The following MAPRE3 variants were observed in gnomAD, a reference collection of about 807,000 sequenced individuals.
The protein encoded by MAPRE3 is microtubule-associated protein RP/EB family member 3.
MAPRE3 carries 2 observed loss-of-function variants against 30.5 expected under a neutral mutation model. The observed-to-expected ratio is 0.07, with a 90% CI of 0.03 to 0.21. MAPRE3 has a LOEUF of 0.21. Ranked by LOEUF, MAPRE3 falls within the 10% of genes least tolerant of loss-of-function variation. MAPRE3 has a pLI of 1.00. For synonymous variants in MAPRE3, 110 were observed against 127.7 expected (o/e 0.86, Z 0.93); for missense variants, 204 against 351.8 (o/e 0.58, Z 3.36).
intron 1 of MAPRE3, among the ~76,000 whole-genome samples, chr2:26,971,433 G>T (rs1018256548): frequency 2.0e-5 from 3 of 152,184 alleles, no homozygotes; most frequent in African/African-American, 7.2e-5. Flanking sequence ...TGATCATCTA[G>T]CGTTTAATGA....
chr2:27,003,227 C>T (rs1666643504), intron 1 of MAPRE3: 2 of 152,536 alleles, frequency 1.3e-5, no homozygotes, highest in South Asian at 4.1e-4. Flanking sequence ...TGGCCAGATT[C>T]TCTATATGCA....
intron 1 of MAPRE3, among the ~76,000 whole-genome samples, chr2:26,999,015 AAGG>A (rs1245190775): frequency 6.6e-6 from 1 of 152,158 alleles, no homozygotes; most frequent in East Asian, 1.9e-4. Context: ...TTGGCCTTGA[AAGG>A]AGGAGAGCAT....
intron 1 of MAPRE3, among the ~76,000 whole-genome samples, chr2:27,002,607 G>T (rs1226673308): frequency 6.6e-6 from 1 of 152,122 alleles, no homozygotes; most frequent in African/African-American, 2.4e-5. Context: ...ACTCTGAACT[G>T]CCCATCTTGG....
At chr2:27,018,875 G>A (rs1474195164) in intron 1 of MAPRE3, among the ~76,000 whole-genome samples, 2 of 148,724 alleles carry the variant, frequency 1.3e-5, no homozygotes, top group African/African-American at 5.2e-5. Flanking sequence ...CAGTCAGGTG[G>A]AAGGGGCAGG....
Position 27,006,187 on chromosome 2 carries a change from TAAAAACAAAAAC to T in MAPRE3, c.-7-16013_-7-16002del, listed in dbSNP as rs1217614368. Among the ~76,000 whole-genome samples, 68 of 149,700 alleles carry T rather than the reference TAAAAACAAAAAC, an allele frequency of 4.5e-4. 1 individual carries two copies. In the East Asian group the frequency reaches 6.9e-3, roughly 15 times the overall value. On this transcript the variant is annotated intron_variant, in intron 1 of 6. Coordinates refer to ENST00000233121, the MANE Select transcript of MAPRE3 (RefSeq NM_012326.4). Reference sequence around the variant, plus strand: ...ACAGAGCGAGACCCCGTCTCAAAAATAAAAACAAAAACAAAAACAAAAAAAAAACAAGTGTGT... The same window carrying T: ...ACAGAGCGAGACCCCGTCTCAAAAATAAAAACAAAAAAAAAACAAGTGTGT...
At chr2:26,981,950 G>T (rs776828404) in intron 1 of MAPRE3, among the ~76,000 whole-genome samples, 1 of 152,196 alleles carries the variant, frequency 6.6e-6, no homozygotes, top group Non-Finnish European at 1.5e-5. Context: ...GCCTCTGTGA[G>T]TGAAGGTTCT....
At chr2:26,995,829 G>GTGTGTGTGTGTGTGTGTGTGTA (rs1335864863) in intron 1 of MAPRE3, among the ~76,000 whole-genome samples, 5 of 147,004 alleles carry the variant, frequency 3.4e-5, no homozygotes, top group African/African-American at 1.3e-4. Flanking sequence ...GTGTGTGTGT[G>GTGTGTGTGTGTGTGTGTGTGTA]TATGTGTGTG....
intron 1 of MAPRE3, among the ~76,000 whole-genome samples, chr2:26,995,823 G>GTGTGTGTGTGTGTGTGTA (rs1200785865): frequency 6.7e-6 from 1 of 150,168 alleles, no homozygotes; most frequent in Admixed American, 6.6e-5. Context: ...GTGTGTGTGT[G>GTGTGTGTGTGTGTGTGTA]TGTGTGTATG....
At chr2:27,013,150 C>G (rs1418444656) in intron 1 of MAPRE3, 1 of 152,632 alleles carries the variant, frequency 6.6e-6, no homozygotes, top group Non-Finnish European at 1.5e-5. Flanking sequence ...CATGACAGTT[C>G]CCTTCCCAAC....
chr2:26,976,710 G>T (rs1036083883), intron 1 of MAPRE3, among the ~76,000 whole-genome samples: 2 of 152,188 alleles, frequency 1.3e-5, no homozygotes, highest in Admixed American at 6.5e-5. Flanking sequence ...CATGCAAAAT[G>T]ATTTTTTCCC....
chr2:26,997,714 G>A, intron 1 of MAPRE3, among the ~76,000 whole-genome samples: 1 of 152,170 alleles, frequency 6.6e-6, no homozygotes, highest in Admixed American at 6.5e-5. Context: ...TGGTAGAAAG[G>A]ATAGTTTGGT....
chr2:26,988,945 C>T (rs1466960286), intron 1 of MAPRE3, among the ~76,000 whole-genome samples: 2 of 152,214 alleles, frequency 1.3e-5, no homozygotes, highest in Admixed American at 1.3e-4. Flanking sequence ...TCCTGCTTCT[C>T]TCTTTGTATC....
intron 6 of MAPRE3, 63 bp downstream of exon 6, chr2:27,026,095 G>T (rs538440048): frequency 3.1e-6 from 5 of 1,587,716 alleles, no homozygotes; most frequent in Non-Finnish European, 4.3e-6. Flanking sequence ...CCAGAAGCGC[G>T]ATAGGGCCAG....
chr2:26,970,937 C>T (rs1387225744), intron 1 of MAPRE3, 135 bp downstream of exon 1: 1 of 151,336 alleles, frequency 6.6e-6, no homozygotes, highest in African/African-American at 2.4e-5. Context: ...CCGCGCCTTC[C>T]CCGCGCCGGT....
intron 1 of MAPRE3, among the ~76,000 whole-genome samples, chr2:26,975,484 G>A (rs1212921902): frequency 2.0e-5 from 3 of 152,148 alleles, no homozygotes; most frequent in African/African-American, 7.2e-5. Flanking sequence ...CTGTTCAGGT[G>A]CAAGAGCAAA....
At chr2:27,009,047 TG>T (rs746701327) in intron 1 of MAPRE3, among the ~76,000 whole-genome samples, 1 of 127,512 alleles carries the variant, frequency 7.8e-6, no homozygotes. Flanking sequence ...GGGATAGGGT[TG>T]GGGGGGAGGG....
intron 1 of MAPRE3, among the ~76,000 whole-genome samples, chr2:27,005,457 C>T (rs1666704186): frequency 6.6e-6 from 1 of 152,220 alleles, no homozygotes; most frequent in African/African-American, 2.4e-5. Flanking sequence ...TTTGACCTCT[C>T]TCACATCTCA....
At position 27,026,403 on chromosome 2, in the gene MAPRE3, C is replaced by A; in HGVS notation, c.*55C>A. 1 of 1,417,066 alleles carries A rather than the reference C, an allele frequency of 7.1e-7. No individual in the cohort carries two copies. The highest frequency in any genetic ancestry group is 9.9e-7 in the Non-Finnish European group (1 of 1,011,588). 87.8% of individuals were successfully genotyped at this position (1,417,066 alleles called of 1,614,324 possible). A position where few individuals can be genotyped will look rare whatever the true frequency, so the allele number is the denominator to read the frequency against. On this transcript the variant is annotated 3_prime_UTR_variant, in exon 7 of 7. Coordinates refer to ENST00000233121, the MANE Select transcript of MAPRE3 (RefSeq NM_012326.4). ...GCTTCCCCGTGCCTCCCTCCCTGCT[C>A]CACTCCCACATTATAGTCCTTTCCT...
chr2:27,024,338 G>T, intron 4 of MAPRE3, 41 bp downstream of exon 4: 1 of 1,580,364 alleles, frequency 6.3e-7, no homozygotes, highest in Non-Finnish European at 8.6e-7. Context: ...GGGGGGCCGG[G>T]CCGGCAGGCC....
Sources: allele counts gnomAD v4.1 joint callset (sites outside exome capture counted in the v4.1 genomes callset), GRCh38; gene constraint gnomAD v4.1.1; transcripts MANE v1.5; gene names NCBI Gene and HGNC (gene_info 2026-07-23, HGNC 2026-07-21).